The following CEP164 variants were observed in gnomAD, a reference collection of about 807,000 sequenced individuals.
CEP164 encodes the protein centrosomal protein 164, also known as centrosomal protein of 164 kDa.
In CEP164, 162 loss-of-function variants were observed where a neutral mutation model predicts 182.7. The ratio of observed to expected loss-of-function variants is 0.89; its 90% CI spans 0.78 to 1.01. The LOEUF is 1.01. CEP164 is among the 50% of genes least tolerant of loss of function. The pLI is 0.00. For missense variants in CEP164, 1,735 were observed against 1,790.4 expected, an observed-to-expected ratio of 0.97 and a Z score of 0.56; for synonymous variants, 661 against 690.0, an observed-to-expected ratio of 0.96 and a Z score of 0.66.
chr11:117,322,953 A>G (rs2035307307), upstream of CEP164, among the ~76,000 whole-genome samples: 1 of 151,760 alleles, frequency 6.6e-6, no homozygotes, highest in African/African-American at 2.4e-5. Flanking sequence ...TTTAGTAGAG[A>G]CGGGGTTTCA....
At chr11:117,390,085 G>A (rs554093116) in intron 15 of CEP164, among the ~76,000 whole-genome samples, 1 of 152,012 alleles carries the variant, frequency 6.6e-6, no homozygotes, top group East Asian at 1.9e-4. Flanking sequence ...TGGGATTACA[G>A]GTGTGCGCCA....
Position 117,409,774 on chromosome 11 carries a change from C to T in CEP164, c.3905C>T (p.Pro1302Leu). 1.9e-6 allele frequency: 3 copies of T among 1,613,980 alleles called. No individual in the cohort carries two copies. The highest frequency in any genetic ancestry group is 1.3e-5 in the African/African-American group (1 of 75,046). Residue 1302 changes from proline (P) to leucine (L), a missense_variant, in exon 30 of 33, where the codon CCT becomes CTT. Transcript: ENST00000278935. The surrounding 1 kb of genome is among the most constrained non-coding windows in gnomAD (Gnocchi z 4.4). ...CTCGCCTCCATGCCAGCCCAGCTCC[C>T]TCCCCGGGACCCTAAGAGCACCCCC... is the stretch of plus-strand genomic sequence containing the variant. The part of the protein sequence containing the change: ...PLLASMPAQL[P>L]PRDPKSTPTP...
At chr11:117,365,377 A>G (rs1019526282) in intron 8 of CEP164, among the ~76,000 whole-genome samples, 2 of 152,182 alleles carry the variant, frequency 1.3e-5, no homozygotes, top group African/African-American at 4.8e-5. Flanking sequence ...AGGTTGTGTC[A>G]TATTTTTTTC....
chr11:117,411,003 C>G lies in CEP164; in HGVS notation c.4163+109C>G, dbSNP rs2047291362. 9.9e-7 allele frequency: 1 copy of G among 1,005,416 alleles called. No homozygotes were observed. Among genetic ancestry groups the G allele is most frequent in the Non-Finnish European group, 1.5e-6 (1 of 666,780 alleles). 62.3% of individuals were successfully genotyped at this position (1,005,416 alleles called of 1,614,324 possible). ...GGGAGCAGACCTCCTGGTCTTACCC[C>G]AAGAAATCAGGCAGGCCTCTAGTCC... is the stretch of plus-strand genomic sequence containing the variant. On this transcript the variant is annotated intron_variant, in intron 31 of 32. Coordinates refer to ENST00000278935, the MANE Select transcript of CEP164 (RefSeq NM_014956.5). The surrounding 1 kb of genome is among the most constrained non-coding windows in gnomAD (Gnocchi z 4.4).
At chr11:117,343,629 CTTTTTTTTTT>C (rs558296878) in intron 3 of CEP164, among the ~76,000 whole-genome samples, 3 of 129,722 alleles carry the variant, frequency 2.3e-5, no homozygotes, top group Non-Finnish European at 4.9e-5. Context: ...TATTTTTTGC[CTTTTTTTTTT>C]TTTTTTTTGA....
At chr11:117,390,140 G>A (rs1398311814) in intron 15 of CEP164, among the ~76,000 whole-genome samples, 2 of 150,966 alleles carry the variant, frequency 1.3e-5, no homozygotes, top group Non-Finnish European at 1.5e-5. Context: ...ACGGGGTTTC[G>A]CCATTATGGC....
upstream of CEP164, among the ~76,000 whole-genome samples, chr11:117,325,940 C>T (rs868272666): frequency 2.8e-4 from 34 of 121,358 alleles, no homozygotes; most frequent in South Asian, 3.5e-3. Flanking sequence ...GACGGAGTGT[C>T]GCTCTTGTTG....
chr11:117,372,702 C>G (rs1592229560), intron 9 of CEP164, among the ~76,000 whole-genome samples: 1 of 152,178 alleles, frequency 6.6e-6, no homozygotes, highest in East Asian at 1.9e-4. Flanking sequence ...CAGGCGTGAG[C>G]CACTGTGCCC....
chr11:117,345,226 G>A (rs2038714815), intron 4 of CEP164, among the ~76,000 whole-genome samples: 1 of 152,170 alleles, frequency 6.6e-6, no homozygotes, highest in Non-Finnish European at 1.5e-5. Context: ...AGAGGTTTAT[G>A]GAGAGGAAAG....
chr11:117,396,989 TG>T, intron 26 of CEP164, 101 bp from the exon 27 acceptor site: 1 of 1,036,876 alleles, frequency 9.6e-7, no homozygotes, highest in Non-Finnish European at 1.4e-6. Flanking sequence ...CCAGCAGCTC[TG>T]GTCTGTGCTC....
chr11:117,347,262 TTGTC>T (rs1245880894), intron 4 of CEP164, among the ~76,000 whole-genome samples: 2 of 152,348 alleles, frequency 1.3e-5, no homozygotes, highest in Admixed American at 6.5e-5. Context: ...AGTGAGCTCT[TTGTC>T]TGTCTTCACA....
In CEP164 at chr11:117,373,801, A is replaced by G. The variant is rs202080477; in HGVS notation, c.1203A>G (p.Ile401Met). The change falls in exon 10 of 33, where the codon ATA becomes ATG. Residue 401 changes from isoleucine to methionine, a missense_variant. Coordinates refer to ENST00000278935, the MANE Select transcript of CEP164 (RefSeq NM_014956.5). ...HMKEPQLSDSIASDPKSFHGL... is the reference protein window; with the variant it reads ...HMKEPQLSDSMASDPKSFHGL... ...AGGAACCACAGCTCTCAGACTCCATAGCTTCTGACCCCAAGTCCTTCCATG... is the reference window on the plus strand; with the variant it reads ...AGGAACCACAGCTCTCAGACTCCATGGCTTCTGACCCCAAGTCCTTCCATG... The G allele has an allele frequency of 2.8e-5, 45 of 1,614,176 alleles. No individual in the cohort carries two copies. In the East Asian group the frequency reaches 7.6e-4, roughly 27 times the overall value.
At chr11:117,359,875 G>A (rs936018689) in intron 5 of CEP164, among the ~76,000 whole-genome samples, 2 of 152,176 alleles carry the variant, frequency 1.3e-5, no homozygotes, top group African/African-American at 4.8e-5. Flanking sequence ...CAGGTGGCAA[G>A]GCACACATCA....
chr11:117,387,367 A>C lies in CEP164; in HGVS notation c.1889A>C (p.Glu630Ala), dbSNP rs2044087927. 1.2e-6 allele frequency: 2 copies of C among 1,614,166 alleles called. No individual in the cohort carries two copies. Among genetic ancestry groups the C allele is most frequent in the Non-Finnish European group, 1.7e-6 (2 of 1,180,032 alleles). ...CGGGAGAAGCTGTGCCAAGAGGAGG[A>C]AGAGGAGATCCTCCGGCTTCACCAG... ...QLREKLCQEE[E>A]EEILRLHQQK... The change falls in exon 15 of 33, where the codon GAA (glutamate) becomes GCA (alanine). Residue 630 changes from glutamate (E) to alanine (A), a missense_variant. By Grantham distance (107) the Glu-to-Ala change is moderately radical. Coordinates refer to ENST00000278935, the MANE Select transcript of CEP164 (RefSeq NM_014956.5).
At chr11:117,392,111 T>G in intron 17 of CEP164, 115 bp from the exon 18 acceptor site, 1 of 790,458 alleles carries the variant, frequency 1.3e-6, no homozygotes, top group Non-Finnish European at 1.9e-6. Flanking sequence ...TGCTTCCCCA[T>G]GCTTCCCTTG....
chr11:117,389,767 G>T (rs1396620866), intron 15 of CEP164, among the ~76,000 whole-genome samples: 1 of 152,034 alleles, frequency 6.6e-6, no homozygotes, highest in Admixed American at 6.5e-5. Flanking sequence ...TGGAGGGATG[G>T]TGACTCAGCT....
At chr11:117,408,429 G>T (rs561811405) in intron 28 of CEP164, 1 of 231,610 alleles carries the variant, frequency 4.3e-6, no homozygotes, top group Non-Finnish European at 8.6e-6. Context: ...TAGGTGTAGC[G>T]GGGGAGGCTT....
At chr11:117,403,909 C>A (rs965846611) in intron 27 of CEP164, among the ~76,000 whole-genome samples, 1 of 151,810 alleles carries the variant, frequency 6.6e-6, no homozygotes, top group African/African-American at 2.4e-5. Context: ...TGTTAATCTT[C>A]AATCTCTGAT....
rs2042161800 is a variant in CEP164 at position 117,371,150 on chromosome 11, C to T, written c.836C>T (p.Pro279Leu). 1 of 1,613,878 alleles carries T rather than the reference C, an allele frequency of 6.2e-7. No homozygotes were observed. The highest frequency in any genetic ancestry group is 1.3e-5 in the African/African-American group (1 of 74,924). ...CTGGATTCAGATGCTGCCGGTCCCCCTACTCCCTGCAAGCCCTCCAGCCCA... is the reference window on the plus strand; with the variant it reads ...CTGGATTCAGATGCTGCCGGTCCCCTTACTCCCTGCAAGCCCTCCAGCCCA... ...VSLDSDAAGP[P>L]TPCKPSSPGA... The change falls in exon 9 of 33, where the codon CCT becomes CTT. Residue 279 changes from proline to leucine, a missense_variant. By Grantham distance (98) the Pro-to-Leu change is moderately conservative. Coordinates refer to ENST00000278935, the MANE Select transcript of CEP164 (RefSeq NM_014956.5).
Sources: gnomAD v4.1 joint callset for allele counts (sites outside exome capture counted in the v4.1 genomes callset) on GRCh38, gnomAD v4.1.1 for gene constraint, Gnocchi (gnomAD v3.1) non-coding constraint, MANE v1.5 for transcripts, NCBI Gene and HGNC (gene_info 2026-07-23, HGNC 2026-07-21) for gene names.